The following SCHIP1 variants were observed in gnomAD, a reference collection of about 807,000 sequenced individuals.
SCHIP1 encodes schwannomin-interacting protein 1.
In SCHIP1, 8 loss-of-function variants were observed where a neutral mutation model predicts 29.7. The ratio of observed to expected loss-of-function variants is 0.27; its 90% CI spans 0.16 to 0.49. The LOEUF is 0.49. SCHIP1 is among the 20% of genes least tolerant of loss of function. The probability of loss-of-function intolerance (pLI) is 0.99; values close to 1 mark genes in which losing one functional copy is unlikely to be tolerated. For missense variants in SCHIP1, 193 were observed against 294.6 expected, an observed-to-expected ratio of 0.66 and a Z score of 2.52; for synonymous variants, 76 against 94.9, an observed-to-expected ratio of 0.80 and a Z score of 1.16.
At chr3:159,328,934 T>C in the SCHIP1 span, among the ~76,000 whole-genome samples, 1 of 152,174 alleles carries the variant, frequency 6.6e-6, no homozygotes, top group African/African-American at 2.4e-5. Context: ...ATGAGACTTA[T>C]CTCCATCTCA....
chr3:159,745,227 C>A, the SCHIP1 span, among the ~76,000 whole-genome samples: 8 of 152,326 alleles, frequency 5.3e-5, no homozygotes, highest in African/African-American at 1.7e-4. Context: ...TTCCTTTGAT[C>A]TTTCTGCTAA....
At chr3:159,842,761 AACT>A (rs1283110579) in intron 1 of SCHIP1, among the ~76,000 whole-genome samples, 1 of 151,556 alleles carries the variant, frequency 6.6e-6, no homozygotes, top group African/African-American at 2.4e-5. Flanking sequence ...TTTAGCAAAT[AACT>A]TACAGCATTT....
chr3:159,641,669 T>C, the SCHIP1 span, among the ~76,000 whole-genome samples: 7 of 152,292 alleles, frequency 4.6e-5, no homozygotes, highest in East Asian at 1.2e-3. Flanking sequence ...TTGCTTTGGC[T>C]CCTAAGTGAG....
chr3:159,305,267 A>G, the SCHIP1 span, among the ~76,000 whole-genome samples: 15 of 152,192 alleles, frequency 9.9e-5, no homozygotes, highest in African/African-American at 3.6e-4. Context: ...CAGGCTTCTC[A>G]GCAGCCTTTC....
At chr3:159,685,247 GTTTTGCA>G in the SCHIP1 span, among the ~76,000 whole-genome samples, 2 of 152,086 alleles carry the variant, frequency 1.3e-5, no homozygotes, top group African/African-American at 4.8e-5. Context: ...TCTCCTACTT[GTTTTGCA>G]TTTTCCCATA....
the SCHIP1 span, among the ~76,000 whole-genome samples, chr3:159,486,304 AC>A: frequency 6.6e-6 from 1 of 151,824 alleles, no homozygotes; most frequent in Non-Finnish European, 1.5e-5. Flanking sequence ...ATTTCCCCCT[AC>A]CCTCTTCCCC....
At chr3:159,440,099 C>T in the SCHIP1 span, among the ~76,000 whole-genome samples, 1 of 152,094 alleles carries the variant, frequency 6.6e-6, no homozygotes, top group Non-Finnish European at 1.5e-5. Flanking sequence ...GGAAGGGATC[C>T]AGTTTCAATT....
chr3:159,522,909 T>G, the SCHIP1 span, among the ~76,000 whole-genome samples: 1 of 152,158 alleles, frequency 6.6e-6, no homozygotes, highest in Non-Finnish European at 1.5e-5. Context: ...CTGTGTCTGC[T>G]ATATCAGTTT....
the SCHIP1 span, chr3:159,275,170 T>C: frequency 9.0e-6 from 6 of 666,268 alleles, no homozygotes; most frequent in African/African-American, 2.0e-5. Context: ...TTTCCATAAT[T>C]GATGTCAGTA....
At chr3:159,593,325 A>G in the SCHIP1 span, among the ~76,000 whole-genome samples, 1 of 152,120 alleles carries the variant, frequency 6.6e-6, no homozygotes, top group Non-Finnish European at 1.5e-5. Flanking sequence ...CCCCTCCTGA[A>G]CAGGCTGCCC....
the SCHIP1 span, among the ~76,000 whole-genome samples, chr3:159,663,691 G>A: frequency 6.6e-6 from 1 of 152,134 alleles, no homozygotes; most frequent in African/African-American, 2.4e-5. Context: ...GATATATGCA[G>A]AAGCTAGTTA....
the SCHIP1 span, among the ~76,000 whole-genome samples, chr3:159,434,172 G>A: frequency 1.3e-5 from 2 of 152,162 alleles, no homozygotes; most frequent in Non-Finnish European, 2.9e-5. Context: ...AGGCACCTAC[G>A]ATGTGCCAGG....
the SCHIP1 span, among the ~76,000 whole-genome samples, chr3:159,543,262 A>G: frequency 1.3e-5 from 2 of 150,290 alleles, no homozygotes; most frequent in African/African-American, 4.9e-5. Context: ...ACAATGTGCA[A>G]GTTAGTTACA....
chr3:159,674,598 T>TAAAAAA, the SCHIP1 span, among the ~76,000 whole-genome samples: 10 of 53,972 alleles, frequency 1.9e-4, no homozygotes, highest in African/African-American at 5.1e-4. Context: ...GGGTCAGGAT[T>TAAAAAA]AAAAAAAAAA....
chr3:159,628,816 T>C, the SCHIP1 span, among the ~76,000 whole-genome samples: 23 of 152,122 alleles, frequency 1.5e-4, no homozygotes, highest in Non-Finnish European at 2.8e-4. Flanking sequence ...ATCTGAAATA[T>C]TAAAGATATC....
At chr3:159,480,931 G>A in the SCHIP1 span, among the ~76,000 whole-genome samples, 3 of 152,078 alleles carry the variant, frequency 2.0e-5, no homozygotes, top group Non-Finnish European at 4.4e-5. Context: ...CTGTTTTATA[G>A]GATTTGGGTA....
chr3:159,617,583 A>G, the SCHIP1 span, among the ~76,000 whole-genome samples: 3 of 152,162 alleles, frequency 2.0e-5, no homozygotes, highest in Non-Finnish European at 2.9e-5. Flanking sequence ...TTTTATCTGC[A>G]TAATAAAACA....
chr3:159,483,056 C>G, the SCHIP1 span, among the ~76,000 whole-genome samples: 7 of 152,248 alleles, frequency 4.6e-5, no homozygotes, highest in East Asian at 1.4e-3. Flanking sequence ...GCCTCCCGAC[C>G]AATTAGTTTA....
chr3:159,665,546 TTGTGTGTGTGTGTG>T, the SCHIP1 span, among the ~76,000 whole-genome samples: 1 of 147,460 alleles, frequency 6.8e-6, no homozygotes, highest in Non-Finnish European at 1.5e-5. Flanking sequence ...GTTTTTGGGG[TTGTGTGTGTGTGTG>T]TGTGTGTGTG....
Sources: gnomAD v4.1 joint callset for allele counts (sites outside exome capture counted in the v4.1 genomes callset) on GRCh38, gnomAD v4.1.1 for gene constraint, MANE v1.5 for transcripts, NCBI Gene and HGNC (gene_info 2026-07-23, HGNC 2026-07-21) for gene names.